Variants in PDCL2 observed in about 807,000 individuals in gnomAD.
PDCL2 encodes the protein phosducin like 2.
A neutral mutation model predicts 30.3 loss-of-function variants in PDCL2; 23 were observed. That is an observed-to-expected ratio of 0.76 (90% CI 0.55 to 1.08). The LOEUF (loss-of-function observed/expected upper bound fraction) is 1.08, where lower values mean the gene tolerates loss of function less well. Ranked by LOEUF, PDCL2 falls within the 50% of genes least tolerant of loss-of-function variation. The probability of loss-of-function intolerance (pLI) is 0.00; values close to 1 mark genes in which losing one functional copy is unlikely to be tolerated. For synonymous variants in PDCL2, 68 were observed against 86.2 expected (o/e 0.79, Z 1.17); for missense variants, 243 against 282.3 (o/e 0.86, Z 1.00).
At position 55,562,424 on chromosome 4, in the gene PDCL2, C is replaced by T. The variant is rs1358177976; in HGVS notation, c.551G>A (p.Gly184Glu). ...AKFIGIIECGGINLKLEELEW... is the reference protein window; with the variant it reads ...AKFIGIIECGEINLKLEELEW... ...ATTACCTTCCAGCTTGAGATTTATC[C>T]CTCCACATTCTATAATTCCAATGAA... is the stretch of plus-strand genomic sequence containing the variant. The change falls in exon 5 of 6, where the codon GGG becomes GAG. Residue 184 changes from glycine to glutamate, a missense_variant. By Grantham distance (98) the Gly-to-Glu change is moderately conservative. Transcript: ENST00000295645. 3.5e-6 allele frequency: 5 copies of T among 1,420,418 alleles called. No homozygotes were observed. The highest frequency in any genetic ancestry group is 4.6e-6 in the Non-Finnish European group (5 of 1,079,912). 88.0% of individuals were successfully genotyped at this position (1,420,418 alleles called of 1,614,324 possible). A position where few individuals can be genotyped will look rare whatever the true frequency, so the allele number is the denominator to read the frequency against.
At chr4:55,579,746 G>A (rs1205376692) in intron 3 of PDCL2, among the ~76,000 whole-genome samples, 2 of 152,074 alleles carry the variant, frequency 1.3e-5, no homozygotes, top group Admixed American at 1.3e-4. Flanking sequence ...GACCAGGCTG[G>A]TCTGTAACTC....
intron 5 of PDCL2, among the ~76,000 whole-genome samples, chr4:55,561,238 TG>T (rs1732125177): frequency 6.6e-6 from 1 of 151,940 alleles, no homozygotes; most frequent in Non-Finnish European, 1.5e-5. Flanking sequence ...AAAACAGCTT[TG>T]GGGGACTGAC....
intron 5 of PDCL2, among the ~76,000 whole-genome samples, chr4:55,557,760 C>T (rs1732007201): frequency 6.6e-6 from 1 of 151,854 alleles, no homozygotes; most frequent in South Asian, 2.1e-4. Flanking sequence ...AGGTAAGACT[C>T]AAGACACAAT....
intron 5 of PDCL2, among the ~76,000 whole-genome samples, chr4:55,561,455 C>T (rs1178214164): frequency 6.6e-6 from 1 of 151,848 alleles, no homozygotes; most frequent in Non-Finnish European, 1.5e-5. Flanking sequence ...CCCAGCTACT[C>T]GGGAGGCTGA....
At chr4:55,564,960 G>A (rs1255792402) in intron 4 of PDCL2, among the ~76,000 whole-genome samples, 1 of 152,012 alleles carries the variant, frequency 6.6e-6, no homozygotes, top group Non-Finnish European at 1.5e-5. Context: ...GCTAACTCTG[G>A]GAGAATTTCA....
chr4:55,587,694 T>G (rs1732899849), intron 1 of PDCL2, among the ~76,000 whole-genome samples: 2 of 152,048 alleles, frequency 1.3e-5, no homozygotes, highest in Admixed American at 6.6e-5. Flanking sequence ...TAGCTAAGAT[T>G]ACAGATGCCC....
At position 55,562,498 on chromosome 4, in the gene PDCL2, A is replaced by AT; in HGVS notation, c.476dup (p.Asn159LysfsTer10). 1.3e-6 allele frequency: 2 copies of AT among 1,576,196 alleles called. No individual in the cohort carries two copies. The highest frequency in any genetic ancestry group is 1.7e-6 in the Non-Finnish European group (2 of 1,162,932). On this transcript the variant is annotated frameshift_variant, in exon 5 of 6. Coordinates refer to ENST00000295645, the MANE Select transcript of PDCL2 (RefSeq NM_152401.3). LOFTEE classifies it high-confidence loss of function. ...TATACACAAAAATTGTTGGTAAACA[A>AT]TTGTCATGGTAGTGTTGAATACAGC...
intron 3 of PDCL2, among the ~76,000 whole-genome samples, chr4:55,580,327 G>A (rs1732677947): frequency 6.6e-6 from 1 of 152,174 alleles, no homozygotes; most frequent in Non-Finnish European, 1.5e-5. Flanking sequence ...TCTGGTTTTA[G>A]TATCAGGATA....
intron 4 of PDCL2, among the ~76,000 whole-genome samples, chr4:55,568,855 A>G (rs544300256): frequency 7.2e-5 from 11 of 152,306 alleles, no homozygotes; most frequent in Middle Eastern, 3.4e-3. Flanking sequence ...AACCTTGCTA[A>G]AACAACCTTT....
In PDCL2 at chr4:55,580,863, T is replaced by C. The variant is rs1356467327; in HGVS notation, c.176A>G (p.Asp59Gly). ...CTGCATATCTTCTTCATCAAATTCA[T>C]CTTCAGCTTCCTTTAGCTGTGCAAG... is the stretch of plus-strand genomic sequence containing the variant. ...MTLAQLKEAEDEFDEEDMQAV... is the reference protein window; with the variant it reads ...MTLAQLKEAEGEFDEEDMQAV... Residue 59 changes from aspartate to glycine, a missense_variant, in exon 3 of 6, where the codon GAT (aspartate) becomes GGT (glycine). By Grantham distance (94) the Asp-to-Gly change is moderately conservative. Transcript: ENST00000295645. The C allele has an allele frequency of 6.2e-6, 10 of 1,611,398 alleles. No individual in the cohort carries two copies. Among genetic ancestry groups the C allele is most frequent in the Non-Finnish European group, 8.5e-6 (10 of 1,178,874 alleles).
At chr4:55,565,703 A>T (rs905666960) in intron 4 of PDCL2, among the ~76,000 whole-genome samples, 2 of 152,138 alleles carry the variant, frequency 1.3e-5, no homozygotes, top group African/African-American at 4.8e-5. Context: ...TTGCATTCCC[A>T]ACCAATCAGC....
At chr4:55,567,298 T>G (rs1025562091) in intron 4 of PDCL2, among the ~76,000 whole-genome samples, 1 of 152,174 alleles carries the variant, frequency 6.6e-6, no homozygotes, top group African/African-American at 2.4e-5. Flanking sequence ...TCTGGGAGGC[T>G]GAGGCAGGAG....
At chr4:55,581,982 CA>C in intron 2 of PDCL2, 134 bp downstream of exon 2, 2 of 1,183,390 alleles carry the variant, frequency 1.7e-6, no homozygotes, top group South Asian at 3.1e-5. Context: ...GCTGGGATTA[CA>C]GGTGTGAGCC....
chr4:55,563,911 G>A (rs1183819844), intron 4 of PDCL2, among the ~76,000 whole-genome samples: 1 of 152,176 alleles, frequency 6.6e-6, no homozygotes, highest in South Asian at 2.1e-4. Context: ...GACCTTTCAA[G>A]GCATCAGATT....
At chr4:55,585,778 A>G (rs1732845468) in intron 1 of PDCL2, among the ~76,000 whole-genome samples, 1 of 152,104 alleles carries the variant, frequency 6.6e-6, no homozygotes, top group South Asian at 2.1e-4. Flanking sequence ...TTGGTAGGCT[A>G]TATGTGTCTA....
In PDCL2 at chr4:55,587,216, T is replaced by TAAAAAAAAA. The variant is rs869107656; in HGVS notation, c.6+4879_6+4887dup. 3.0e-4 allele frequency among the ~76,000 whole-genome samples: 19 copies of TAAAAAAAAA among 62,834 alleles called. 2 individuals are homozygous for TAAAAAAAAA. The highest frequency in any genetic ancestry group is 1.4e-3 in the African/African-American group (19 of 13,438). 41.2% of individuals were successfully genotyped at this position (62,834 alleles called of 152,430 possible). A position where few individuals can be genotyped will look rare whatever the true frequency, so the allele number is the denominator to read the frequency against. On this transcript the variant is annotated intron_variant, in intron 1 of 5. Coordinates refer to ENST00000295645, the MANE Select transcript of PDCL2 (RefSeq NM_152401.3). ...CCTCACGTGGCAAAAGACAGAATAG[T>TAAAAAAAAA]AAAAAAAAAAAAAAAAAAAAAAAAA...
At position 55,557,130 on chromosome 4, in the gene PDCL2, G is replaced by A. The variant is rs956133345; in HGVS notation, c.572-419C>T. ...TGGGATTACAGGCGTGAGCCACCAC[G>A]CCCAGCCTGATGATATCTTTAGAAC... On this transcript the variant is annotated intron_variant, in intron 5 of 5. Coordinates refer to ENST00000295645, the MANE Select transcript of PDCL2 (RefSeq NM_152401.3). Among the ~76,000 whole-genome samples the A allele has an allele frequency of 6.6e-5, 10 of 152,294 alleles. No homozygotes were observed. In the East Asian group the frequency reaches 9.7e-4, roughly 15 times the overall value.
chr4:55,566,882 A>T (rs1403872375), intron 4 of PDCL2, among the ~76,000 whole-genome samples: 10 of 152,214 alleles, frequency 6.6e-5, no homozygotes, highest in Non-Finnish European at 1.5e-4. Flanking sequence ...AAGCAGACTA[A>T]ATCACATTCA....
At chr4:55,558,467 T>C (rs1341392544) in intron 5 of PDCL2, among the ~76,000 whole-genome samples, 2 of 152,188 alleles carry the variant, frequency 1.3e-5, no homozygotes, top group Non-Finnish European at 2.9e-5. Flanking sequence ...TCTGCCATGA[T>C]TGTAAGTTTG....
Sources: gnomAD v4.1 joint callset for allele counts (sites outside exome capture counted in the v4.1 genomes callset) on GRCh38, gnomAD v4.1.1 for gene constraint, MANE v1.5 for transcripts, NCBI Gene and HGNC (gene_info 2026-07-23, HGNC 2026-07-21) for gene names.